The following FRS2 variants were observed in gnomAD, a reference collection of about 807,000 sequenced individuals.
FRS2 encodes fibroblast growth factor receptor substrate 2.
FRS2 carries 8 observed loss-of-function variants against 43.9 expected under a neutral mutation model. The observed-to-expected ratio is 0.18, with a 90% CI of 0.11 to 0.33. The LOEUF is 0.33. Ranked by LOEUF, FRS2 falls within the 10% of genes least tolerant of loss-of-function variation. The pLI, the probability that FRS2 is intolerant of heterozygous loss-of-function variation, is 1.00. For missense variants in FRS2, 534 were observed against 627.6 expected, an observed-to-expected ratio of 0.85 and a Z score of 1.59; for synonymous variants, 219 against 220.3, an observed-to-expected ratio of 0.99 and a Z score of 0.05.
intron 3 of FRS2, among the ~76,000 whole-genome samples, chr12:69,543,239 C>T (rs1244674188): frequency 6.6e-6 from 1 of 152,184 alleles, no homozygotes; most frequent in African/African-American, 2.4e-5. Context: ...TATTAAGTAA[C>T]ATATGTTAAT....
At chr12:69,474,963 T>G (rs1032354268) in intron 1 of FRS2, among the ~76,000 whole-genome samples, 5 of 152,224 alleles carry the variant, frequency 3.3e-5, no homozygotes, top group African/African-American at 1.2e-4. Context: ...TTGATTAACA[T>G]GATTAGTTTT....
intron 3 of FRS2, among the ~76,000 whole-genome samples, chr12:69,558,870 G>C (rs376224979): frequency 6.6e-6 from 1 of 152,242 alleles, no homozygotes; most frequent in East Asian, 1.9e-4. Context: ...GAAAATACGT[G>C]GTAGAATGCC....
At chr12:69,557,997 T>C (rs1029485640) in intron 3 of FRS2, 1 of 152,234 alleles carries the variant, frequency 6.6e-6, no homozygotes, top group African/African-American at 2.4e-5. Flanking sequence ...TATGTGTGTG[T>C]GTGTTGTTTT....
At chr12:69,496,360 C>T (rs886609296) in intron 1 of FRS2, among the ~76,000 whole-genome samples, 1 of 151,982 alleles carries the variant, frequency 6.6e-6, no homozygotes, top group Non-Finnish European at 1.5e-5. Flanking sequence ...TTGCTTGAAC[C>T]GGCGAGGCGG....
At chr12:69,521,502 C>T (rs1355741735) in intron 1 of FRS2, among the ~76,000 whole-genome samples, 2 of 152,284 alleles carry the variant, frequency 1.3e-5, no homozygotes, top group East Asian at 3.9e-4. Flanking sequence ...GGAATGCTTC[C>T]AGCTTTTGCC....
chr12:69,573,569 T>G (rs945676304), intron 8 of FRS2, among the ~76,000 whole-genome samples: 6 of 152,148 alleles, frequency 3.9e-5, no homozygotes, highest in African/African-American at 1.4e-4. Flanking sequence ...TTCAAATGAT[T>G]CATGTGCCTC....
intron 3 of FRS2, among the ~76,000 whole-genome samples, chr12:69,560,033 A>C (rs1472849560): frequency 1.3e-5 from 2 of 152,154 alleles, no homozygotes; most frequent in Non-Finnish European, 2.9e-5. Context: ...CAAATTTATA[A>C]TCATACTTGT....
intron 1 of FRS2, among the ~76,000 whole-genome samples, chr12:69,483,590 A>C (rs999255174): frequency 6.6e-6 from 1 of 152,048 alleles, no homozygotes; most frequent in Non-Finnish European, 1.5e-5. Flanking sequence ...TATAGTATAT[A>C]CTCAATTTTG....
At chr12:69,541,114 C>T (rs576337019) in intron 3 of FRS2, among the ~76,000 whole-genome samples, 2 of 152,158 alleles carry the variant, frequency 1.3e-5, no homozygotes, top group South Asian at 2.1e-4. Flanking sequence ...TTTTTTTAAA[C>T]CTAGAAGTCA....
At chr12:69,558,795 G>T (rs1426826927) in intron 3 of FRS2, among the ~76,000 whole-genome samples, 1 of 152,164 alleles carries the variant, frequency 6.6e-6, no homozygotes, top group Admixed American at 6.6e-5. Context: ...TGGAGTCAGG[G>T]AATGTGTCCT....
intron 1 of FRS2, among the ~76,000 whole-genome samples, chr12:69,499,714 G>A (rs911560718): frequency 2.6e-5 from 4 of 151,434 alleles, no homozygotes; most frequent in Non-Finnish European, 5.9e-5. Flanking sequence ...ATGAATCACA[G>A]GTAGCTTCTA....
Position 69,571,419 on chromosome 12 carries a change from C to T in FRS2, c.397C>T (p.Pro133Ser). 1 of 1,611,686 alleles carries T rather than the reference C, an allele frequency of 6.2e-7. No homozygotes were observed. The highest frequency in any genetic ancestry group is 8.5e-7 in the Non-Finnish European group (1 of 1,178,816). Residue 133 changes from proline (P) to serine (S), a missense_variant, in exon 7 of 9, where the codon CCT (proline) becomes TCT (serine). Physicochemically the swap from Pro to Ser is moderately conservative, Grantham distance 74. Around this residue, in one of 3 missense-constraint regions of FRS2, gnomAD observed 446 missense variants for 494.2 expected, o/e 0.90. Transcript: ENST00000549921. ...HQTELEVPRT[P>S]RTPTTPGFAA... The stretch of plus-strand genomic sequence containing the variant: ...GACAGAATTGGAAGTCCCTAGAACA[C>T]CTCGAACACCTACAAGTAAGTACCC...
At chr12:69,499,299 G>T (rs1873213767) in intron 1 of FRS2, among the ~76,000 whole-genome samples, 2 of 152,310 alleles carry the variant, frequency 1.3e-5, no homozygotes, top group South Asian at 4.1e-4. Context: ...GATTTAAAGA[G>T]AGTTGAACTA....
intron 3 of FRS2, among the ~76,000 whole-genome samples, chr12:69,557,619 T>TGTGTGTGTGCGCGCGCGC: frequency 8.4e-6 from 1 of 118,966 alleles, no homozygotes; most frequent in East Asian, 2.5e-4. Flanking sequence ...TGTGTGTGTG[T>TGTGTGTGTGCGCGCGCGC]GCGCGCGCGC....
At position 69,560,869 on chromosome 12, in the gene FRS2, A is replaced by G. The variant is rs145219406; in HGVS notation, c.-121-1311A>G. Among the ~76,000 whole-genome samples the G allele has an allele frequency of 4.6e-3, 707 of 152,298 alleles. 5 individuals are homozygous for G. Among genetic ancestry groups the G allele is most frequent in the African/African-American group, 0.016 (675 of 41,572 alleles). On this transcript the variant is annotated intron_variant, in intron 3 of 8. Coordinates refer to ENST00000549921, the MANE Select transcript of FRS2 (RefSeq NM_001278356.2). ...CTGATTCTTTAATATGTTTAACTTC[A>G]TTTCAAAGCTTATGACTTTTCATTG...
At chr12:69,517,404 CTG>C (rs373306646) in intron 1 of FRS2, among the ~76,000 whole-genome samples, 33 of 152,126 alleles carry the variant, frequency 2.2e-4, no homozygotes, top group Admixed American at 4.6e-4. Context: ...TCTGAAAAAA[CTG>C]TGAAATTCGA....
At chr12:69,481,441 AT>A (rs574729374) in intron 1 of FRS2, among the ~76,000 whole-genome samples, 15 of 147,624 alleles carry the variant, frequency 1.0e-4, no homozygotes, top group African/African-American at 1.2e-4. Flanking sequence ...TGCCCAGCTG[AT>A]TTTTTTTTTT....
At chr12:69,507,607 A>G (rs1874061468) in intron 1 of FRS2, among the ~76,000 whole-genome samples, 1 of 152,172 alleles carries the variant, frequency 6.6e-6, no homozygotes, top group Admixed American at 6.5e-5. Context: ...TTTTAATCTC[A>G]TGGTTTTAAT....
chr12:69,553,827 A>G (rs556150393), intron 3 of FRS2, among the ~76,000 whole-genome samples: 15 of 152,304 alleles, frequency 9.8e-5, no homozygotes, highest in African/African-American at 3.4e-4. Context: ...GACTGTCTCT[A>G]GGAGTTCTCA....
Sources: allele counts gnomAD v4.1 joint callset (sites outside exome capture counted in the v4.1 genomes callset), GRCh38; gene constraint gnomAD v4.1.1; regional missense constraint gnomAD v4.1.1; transcripts MANE v1.5; gene names NCBI Gene and HGNC (gene_info 2026-07-23, HGNC 2026-07-21).